The following PCDHGA2 variants were observed in gnomAD, a reference collection of about 807,000 sequenced individuals.
PCDHGA2 encodes protocadherin gamma-A2.
Under a neutral mutation model 59.2 loss-of-function variants are expected in PCDHGA2, and 40 were observed. The observed-to-expected ratio is 0.68, with a 90% CI of 0.52 to 0.88. The LOEUF (loss-of-function observed/expected upper bound fraction) is 0.88, where lower values mean the gene tolerates loss of function less well. Ranked by LOEUF, PCDHGA2 falls within the 40% of genes least tolerant of loss-of-function variation. The pLI is 0.00. For missense variants in PCDHGA2, 1,226 were observed against 1,204.0 expected, an observed-to-expected ratio of 1.02 and a Z score of -0.27; for synonymous variants, 560 against 526.0, an observed-to-expected ratio of 1.06 and a Z score of -0.89.
intron 1 of PCDHGA2, chr5:141,421,501 G>T: frequency 6.2e-7 from 1 of 1,614,094 alleles, no homozygotes; most frequent in Non-Finnish European, 8.5e-7. Context: ...AGGCAGGATA[G>T]ACCGGGAGGA....
intron 1 of PCDHGA2, chr5:141,365,325 A>T (rs372623504): frequency 2.5e-6 from 4 of 1,613,990 alleles, no homozygotes; most frequent in Admixed American, 1.7e-5. Context: ...GCCAGCGCTA[A>T]GGTGGTGGTC....
intron 1 of PCDHGA2, chr5:141,366,144 C>A: frequency 6.2e-7 from 1 of 1,614,182 alleles, no homozygotes; most frequent in South Asian, 1.1e-5. Flanking sequence ...GCCTGGCTGT[C>A]CTACCGCCTG....
intron 1 of PCDHGA2, chr5:141,385,373 T>A (rs754384717): frequency 6.5e-7 from 1 of 1,529,238 alleles, no homozygotes; most frequent in African/African-American, 1.4e-5. Context: ...TTGCATGATA[T>A]TTCTCTATTA....
chr5:141,477,642 A>G lies in PCDHGA2; in HGVS notation c.2425-17165A>G, dbSNP rs767152121. On this transcript the variant is annotated intron_variant, in intron 1 of 3. Transcript: ENST00000394576. The surrounding 1 kb of genome is among the most constrained non-coding windows in gnomAD (Gnocchi z 4.9). ...GCTGAAACCGGGCTAGTGGGTCGCT[A>G]TTTCACAATAAATCGTGACAATGGC... 9 of 1,614,136 alleles carry G rather than the reference A, an allele frequency of 5.6e-6. No individual in the cohort carries two copies. Among genetic ancestry groups the G allele is most frequent in the Non-Finnish European group, 7.6e-6 (9 of 1,180,022 alleles).
intron 1 of PCDHGA2, among the ~76,000 whole-genome samples, chr5:141,473,350 G>A (rs28461214): frequency 0.13 from 19,833 of 152,204 alleles, 1,410 homozygotes; most frequent in African/African-American, 0.17. Context: ...CAGTGAGGAT[G>A]CAAGTGGCCA....
chr5:141,355,451 T>G, intron 1 of PCDHGA2: 1 of 1,614,076 alleles, frequency 6.2e-7, no homozygotes. Flanking sequence ...AGCGGCACCT[T>G]GGTCACCGCG....
Position 141,433,071 on chromosome 5 carries a change from C to T in PCDHGA2, c.2425-61736C>T, listed in dbSNP as rs2097566106. On this transcript the variant is annotated intron_variant, in intron 1 of 3. Transcript: ENST00000394576. ...TCGCGGAAGAGTCACCTGATCTTCC[C>T]CCAGCCCAACTATGCAGACATGCTC... 2.5e-6 allele frequency: 4 copies of T among 1,614,154 alleles called. No homozygotes were observed. The East Asian group carries it at 8.9e-5, about 36-fold the overall frequency.
At chr5:141,372,987 AGT>A in intron 1 of PCDHGA2, 1 of 640,932 alleles carries the variant, frequency 1.6e-6, no homozygotes, top group Non-Finnish European at 2.6e-6. Flanking sequence ...TCTGTGTTGC[AGT>A]TGTTCTTTCA....
chr5:141,400,561 A>G, intron 1 of PCDHGA2: 1 of 1,612,992 alleles, frequency 6.2e-7, no homozygotes, highest in Non-Finnish European at 8.5e-7. Flanking sequence ...TTCATTACCC[A>G]CCCAATTTTC....
At chr5:141,364,715 A>G (rs566972515) in intron 1 of PCDHGA2, 1 of 1,614,010 alleles carries the variant, frequency 6.2e-7, no homozygotes, top group Admixed American at 1.7e-5. Context: ...TATTAATGAT[A>G]ACTTCCCGCG....
intron 1 of PCDHGA2, chr5:141,400,547 C>T (rs534226736): frequency 2.5e-6 from 4 of 1,613,676 alleles, no homozygotes; most frequent in Non-Finnish European, 3.4e-6. Context: ...TATGTCTATT[C>T]TTTTTCATTA....
At chr5:141,497,050 G>T (rs113054804) in intron 2 of PCDHGA2, among the ~76,000 whole-genome samples, 5,544 of 152,084 alleles carry the variant, frequency 0.036, 137 homozygotes, top group South Asian at 0.074. Context: ...TTAGCCAGGC[G>T]TGGTGGCAGG....
chr5:141,361,812 G>C, intron 1 of PCDHGA2: 1 of 1,613,072 alleles, frequency 6.2e-7, no homozygotes, highest in Non-Finnish European at 8.5e-7. Context: ...ATGACAATGC[G>C]CCACGGGTGC....
chr5:141,403,186 C>G, intron 1 of PCDHGA2: 2 of 1,614,012 alleles, frequency 1.2e-6, no homozygotes, highest in Non-Finnish European at 1.7e-6. Flanking sequence ...TCTCTCTGAA[C>G]CCGCGCAGCG....
chr5:141,385,198 C>A, intron 1 of PCDHGA2: 1 of 1,614,224 alleles, frequency 6.2e-7, no homozygotes, highest in Non-Finnish European at 8.5e-7. Flanking sequence ...TCGGAAGAGT[C>A]ACCTGATCTT....
chr5:141,355,525 C>A, intron 1 of PCDHGA2: 3 of 1,614,028 alleles, frequency 1.9e-6, no homozygotes, highest in Non-Finnish European at 2.5e-6. Flanking sequence ...CCTGGAGATT[C>A]TTCTAGAAGA....
intron 1 of PCDHGA2, among the ~76,000 whole-genome samples, chr5:141,448,985 A>G (rs2098621528): frequency 6.6e-6 from 1 of 152,026 alleles, no homozygotes; most frequent in South Asian, 2.1e-4. Context: ...TTCCATATTA[A>G]TATATAGAAA....
chr5:141,452,133 A>C (rs2098734490), intron 1 of PCDHGA2, among the ~76,000 whole-genome samples: 1 of 152,136 alleles, frequency 6.6e-6, no homozygotes, highest in Admixed American at 6.5e-5. Flanking sequence ...TATATGGCTC[A>C]TGTGTTTTTT....
At chr5:141,501,755 G>C (rs2099810889) in intron 2 of PCDHGA2, among the ~76,000 whole-genome samples, 1 of 152,116 alleles carries the variant, frequency 6.6e-6, no homozygotes, top group Non-Finnish European at 1.5e-5. Context: ...GAAGCTCTCA[G>C]TAAATGGTTA....
Sources: gnomAD v4.1 joint callset for allele counts (sites outside exome capture counted in the v4.1 genomes callset) on GRCh38, gnomAD v4.1.1 for gene constraint, Gnocchi (gnomAD v3.1) non-coding constraint, MANE v1.5 for transcripts, NCBI Gene and HGNC (gene_info 2026-07-23, HGNC 2026-07-21) for gene names.